Variants in PCNX2 observed in about 807,000 individuals in gnomAD.
PCNX2 encodes pecanex 2.
A neutral mutation model predicts 223.8 loss-of-function variants in PCNX2; 168 were observed. That is an observed-to-expected ratio of 0.75 (90% CI 0.66 to 0.85). The LOEUF (loss-of-function observed/expected upper bound fraction) is 0.85, where lower values mean the gene tolerates loss of function less well. Among genes scored for constraint, PCNX2 ranks in the 40% least tolerant of loss-of-function variants. PCNX2 has a pLI of 0.00. For missense variants in PCNX2, 2,507 were observed against 2,675.5 expected, an observed-to-expected ratio of 0.94 and a Z score of 1.39; for synonymous variants, 1,006 against 1,052.6, an observed-to-expected ratio of 0.96 and a Z score of 0.86.
At position 233,295,575 on chromosome 1, in the gene PCNX2, G is replaced by C; in HGVS notation, c.-97C>G. On this transcript the variant is annotated 5_prime_UTR_variant, in exon 1 of 34. Transcript: ENST00000258229. The surrounding 1 kb of genome is among the most constrained non-coding windows in gnomAD (Gnocchi z 4.1). ...TCAGGTCTAACACCCGGGCCCGCGG[G>C]CCGCGCCCCCGCCGTCGCCGCCGCC... 8.1e-7 allele frequency: 1 copy of C among 1,240,980 alleles called. No individual in the cohort carries two copies. The highest frequency in any genetic ancestry group is 1.0e-6 in the Non-Finnish European group (1 of 981,150). The allele number at this position is 1,240,980 out of a possible 1,614,324, so 76.9% of individuals were successfully genotyped here.
the PCNX2 span, among the ~76,000 whole-genome samples, chr1:233,312,391 C>T: frequency 6.6e-5 from 10 of 151,646 alleles, no homozygotes; most frequent in African/African-American, 2.4e-4. Context: ...CAAATCATAC[C>T]CCAGAAGATA....
Position 233,259,014 on chromosome 1 carries a change from A to G in PCNX2, c.848T>C (p.Leu283Pro). ...FQPWGSENSV[L>P]IPEPVSCPRG... Reference sequence around the variant, plus strand: ...GGGACAACTGACAGGTTCTGGAATCAGGACTGAATTCTCACTCCCCCACGG... The same window carrying G: ...GGGACAACTGACAGGTTCTGGAATCGGGACTGAATTCTCACTCCCCCACGG... Residue 283 changes from leucine to proline, a missense_variant, in exon 5 of 34, where the codon CTG becomes CCG. Physicochemically the swap from Leu to Pro is moderately conservative, Grantham distance 98 (BLOSUM62 -3). This residue lies in a region of PCNX2 where 1,031 missense variants were observed against 1,021.7 expected (regional missense o/e 1.01). Transcript: ENST00000258229. The G allele has an allele frequency of 1.9e-6, 3 of 1,613,946 alleles. No homozygotes were observed. Among genetic ancestry groups the G allele is most frequent in the Non-Finnish European group, 2.5e-6 (3 of 1,179,866 alleles).
At chr1:233,180,519 A>AT (rs34585348) in intron 15 of PCNX2, among the ~76,000 whole-genome samples, 3,022 of 151,852 alleles carry the variant, frequency 0.02, 38 homozygotes, top group Middle Eastern at 0.041. Flanking sequence ...TTCTGTCAAG[A>AT]TTTTTTTTTA....
rs1473906858 is a variant in PCNX2 at position 233,292,047 on chromosome 1, A to T, written c.153+3279T>A. 3 of 959,242 alleles carry T rather than the reference A, an allele frequency of 3.1e-6. No individual in the cohort carries two copies. In the Admixed American group the frequency reaches 1.8e-4, roughly 59 times the overall value. The allele number at this position is 959,242 out of a possible 1,614,324, so 59.4% of individuals were successfully genotyped here. A position where few individuals can be genotyped will look rare whatever the true frequency, so the allele number is the denominator to read the frequency against. Reference sequence around the variant, plus strand: ...CATAGTTTATAAATGCTAATTAATCACTATTTTCCACATTATCACCCAGAT... The same window carrying T: ...CATAGTTTATAAATGCTAATTAATCTCTATTTTCCACATTATCACCCAGAT... On this transcript the variant is annotated intron_variant, in intron 1 of 33. Transcript: ENST00000258229.
At chr1:233,076,303 G>A (rs1407120422) in intron 23 of PCNX2, among the ~76,000 whole-genome samples, 1 of 152,134 alleles carries the variant, frequency 6.6e-6, no homozygotes, top group Non-Finnish European at 1.5e-5. Context: ...GGTGTATACA[G>A]GATTTGGATC....
chr1:233,077,853 T>TTAGTG (rs1225954535), intron 23 of PCNX2, among the ~76,000 whole-genome samples: 1 of 151,884 alleles, frequency 6.6e-6, no homozygotes, highest in Non-Finnish European at 1.5e-5. Context: ...TCTATTTAGT[T>TTAGTG]TACAGGGAGA....
At chr1:233,150,197 A>G (rs1017222120) in intron 19 of PCNX2, among the ~76,000 whole-genome samples, 1 of 152,204 alleles carries the variant, frequency 6.6e-6, no homozygotes, top group Non-Finnish European at 1.5e-5. Context: ...TGATGGATTA[A>G]TAACTTAATT....
chr1:233,120,179 AAAAAAGAAATAAAAAG>A (rs1675696510), intron 21 of PCNX2, among the ~76,000 whole-genome samples: 2 of 146,874 alleles, frequency 1.4e-5, no homozygotes, highest in African/African-American at 2.5e-5. Context: ...AAAAAAAAAA[AAAAAAGAAATAAAAAG>A]AAAAAAGAAA....
At chr1:233,077,129 C>G (rs910127109) in intron 23 of PCNX2, among the ~76,000 whole-genome samples, 3 of 152,134 alleles carry the variant, frequency 2.0e-5, no homozygotes, top group Non-Finnish European at 4.4e-5. Flanking sequence ...AGCCTTGTAA[C>G]AGACCAGTCA....
At chr1:233,123,240 T>A (rs898605316) in intron 21 of PCNX2, among the ~76,000 whole-genome samples, 1 of 152,192 alleles carries the variant, frequency 6.6e-6, no homozygotes, top group Non-Finnish European at 1.5e-5. Flanking sequence ...CTCTATACTA[T>A]CTTCATGTCT....
At chr1:233,213,643 A>T (rs1572088773) in intron 12 of PCNX2, among the ~76,000 whole-genome samples, 1 of 152,144 alleles carries the variant, frequency 6.6e-6, no homozygotes, top group Admixed American at 6.5e-5. Context: ...CCTGAATAGT[A>T]GCAACAGTTA....
intron 12 of PCNX2, chr1:233,211,956 G>A (rs539587573): frequency 4.1e-6 from 1 of 246,232 alleles, no homozygotes; most frequent in Non-Finnish European, 6.5e-6. Context: ...CCCATTTCTC[G>A]GCTGTTGCCC....
chr1:233,280,451 C>G (rs1346000475), intron 1 of PCNX2, among the ~76,000 whole-genome samples: 1 of 152,104 alleles, frequency 6.6e-6, no homozygotes, highest in African/African-American at 2.4e-5. Context: ...GCATGCGCCA[C>G]CATGCCCGGC....
rs755233265 is a variant in PCNX2, at chr1:233,078,968, A to T, written c.4076+11093T>A. ...AAAACAGTGGGATGGGGTCAAGTTC[A>T]TAATTTGGCTTCTCAGAAGTAACAG... On this transcript the variant is annotated intron_variant, in intron 23 of 33. Transcript: ENST00000258229. Among the ~76,000 whole-genome samples the T allele has an allele frequency of 7.9e-4, 120 of 152,192 alleles. 4 individuals are homozygous for T. Among genetic ancestry groups the T allele is most frequent in the Non-Finnish European group, 4.1e-4 (28 of 68,034 alleles).
At chr1:233,296,084 C>A (rs1195694913), upstream of PCNX2, among the ~76,000 whole-genome samples, 3 of 150,118 alleles carry the variant, frequency 2.0e-5, no homozygotes, top group African/African-American at 7.4e-5. Flanking sequence ...TGTTCTCATG[C>A]AGAAGGCACA....
intron 21 of PCNX2, among the ~76,000 whole-genome samples, chr1:233,104,346 AC>A (rs561909254): frequency 6.5e-4 from 99 of 152,276 alleles, no homozygotes; most frequent in African/African-American, 2.3e-3. Context: ...AAAAATCAAT[AC>A]ATTTTTACCA....
rs570872102 is a variant in PCNX2, at chr1:232,993,077, C to T, written c.5791+5174G>A. ...AGAGTGGGGTATTACTATAAAGATA[C>T]CTGAAAATGTGGAAGCAACTTTGGA... On this transcript the variant is annotated intron_variant, in intron 32 of 33. Coordinates refer to ENST00000258229, the MANE Select transcript of PCNX2 (RefSeq NM_014801.4). 4.6e-5 allele frequency among the ~76,000 whole-genome samples: 7 copies of T among 152,174 alleles called. No individual in the cohort carries two copies. In the South Asian group the frequency reaches 1.5e-3, roughly 32 times the overall value.
At chr1:233,012,252 C>A (rs369875539) in intron 28 of PCNX2, among the ~76,000 whole-genome samples, 14 of 152,174 alleles carry the variant, frequency 9.2e-5, no homozygotes, top group Middle Eastern at 3.4e-3. Flanking sequence ...CTATTTATGG[C>A]ACCCTAGCAG....
At chr1:233,078,902 C>T (rs575843297) in intron 23 of PCNX2, among the ~76,000 whole-genome samples, 1 of 152,334 alleles carries the variant, frequency 6.6e-6, no homozygotes, top group African/African-American at 2.4e-5. Context: ...CCATACCTCA[C>T]GTGTCAAACC....
Sources: allele counts gnomAD v4.1 joint callset (sites outside exome capture counted in the v4.1 genomes callset), GRCh38; gene constraint gnomAD v4.1.1; regional missense constraint gnomAD v4.1.1; non-coding constraint Gnocchi (gnomAD v3.1); transcripts MANE v1.5; gene names NCBI Gene and HGNC (gene_info 2026-07-23, HGNC 2026-07-21).